The following MTUS2 variants were observed in gnomAD, a reference collection of about 807,000 sequenced individuals.
The protein encoded by MTUS2 is microtubule associated scaffold protein 2.
Under a neutral mutation model 114.1 loss-of-function variants are expected in MTUS2, and 40 were observed. That is an observed-to-expected ratio of 0.35 (90% CI 0.27 to 0.46). The LOEUF is 0.46. MTUS2 is among the 20% of genes least tolerant of loss of function. The probability of loss-of-function intolerance (pLI) is 1.00; values close to 1 mark genes in which losing one functional copy is unlikely to be tolerated. For missense variants in MTUS2, 1,679 were observed against 1,705.4 expected (o/e 0.98, Z 0.27); for synonymous variants, 688 against 672.0 (o/e 1.02, Z -0.37).
chr13:29,034,847 G>A (rs1886992420), intron 4 of MTUS2, among the ~76,000 whole-genome samples: 1 of 152,134 alleles, frequency 6.6e-6, no homozygotes, highest in African/African-American at 2.4e-5. Context: ...CCCCACCACT[G>A]CACCTTCATC....
At chr13:29,346,921 C>T (rs975100111) in intron 7 of MTUS2, among the ~76,000 whole-genome samples, 1 of 150,668 alleles carries the variant, frequency 6.6e-6, no homozygotes, top group African/African-American at 2.4e-5. Context: ...ATCCTTCTCC[C>T]GTGATCTGGT....
intron 2 of MTUS2, among the ~76,000 whole-genome samples, chr13:28,911,252 T>C (rs562698534): frequency 2.8e-4 from 41 of 144,820 alleles, no homozygotes; most frequent in Non-Finnish European, 5.5e-4. Flanking sequence ...CTTGGCTCAC[T>C]GCAACGTCCA....
intron 2 of MTUS2, among the ~76,000 whole-genome samples, chr13:28,968,103 A>G (rs1411913943): frequency 6.6e-6 from 1 of 152,242 alleles, no homozygotes; most frequent in Non-Finnish European, 1.5e-5. Context: ...CTTTTGCTGC[A>G]TGACTGTATA....
chr13:29,025,666 A>T lies in MTUS2; in HGVS notation c.968A>T (p.Glu323Val), dbSNP rs1353993731. Residue 323 changes from glutamate to valine, a missense_variant, in exon 3 of 16, where the codon GAG (glutamate) becomes GTG (valine). Coordinates refer to ENST00000612955, the MANE Select transcript of MTUS2 (RefSeq NM_001033602.4). ...GTTCCTCCCAGGAGAGTTGAACAGGAGGGAAAGGCAGCCCAGGAAGGGTAT... is the reference window on the plus strand; with the variant it reads ...GTTCCTCCCAGGAGAGTTGAACAGGTGGGAAAGGCAGCCCAGGAAGGGTAT... ...KYVPPRRVEQ[E>V]GKAAQEGYLG... The T allele has an allele frequency of 6.2e-7, 1 of 1,614,038 alleles. No homozygotes were observed. Among genetic ancestry groups the T allele is most frequent in the Non-Finnish European group, 8.5e-7 (1 of 1,179,900 alleles).
rs756242691 is a variant in MTUS2, at chr13:29,480,169, C to T, written c.3204C>T (p.Cys1068=). Residue 1068 remains cysteine, a synonymous_variant, in exon 10 of 16, where the codon TGC becomes TGT. Coordinates refer to ENST00000612955, the MANE Select transcript of MTUS2 (RefSeq NM_001033602.4). The surrounding 1 kb of genome is among the most constrained non-coding windows in gnomAD (Gnocchi z 4.4). ...RDEVAFHTAK[C]EKLQKEKEEL... ...GCCCAGCCTTCCATACAGCAAAGTG[C>T]GAGAAACTACAAAAGGAGAAGGAGG... 51 of 1,554,488 alleles carry T rather than the reference C, an allele frequency of 3.3e-5. No individual in the cohort carries two copies. In the Admixed American group the frequency reaches 3.7e-4, roughly 11 times the overall value.
intron 5 of MTUS2, among the ~76,000 whole-genome samples, chr13:29,145,647 T>TG (rs1303935483): frequency 1.3e-5 from 2 of 152,154 alleles, no homozygotes; most frequent in Non-Finnish European, 2.9e-5. Context: ...AATTGAAAAA[T>TG]TGGACTTAGA....
intron 2 of MTUS2, among the ~76,000 whole-genome samples, chr13:28,927,276 A>G (rs1436055385): frequency 4.6e-5 from 7 of 152,188 alleles, no homozygotes; most frequent in Admixed American, 4.6e-4. Context: ...AAGATACAAA[A>G]AATAGCTTGT....
At chr13:29,199,908 G>A (rs927456070) in intron 5 of MTUS2, among the ~76,000 whole-genome samples, 1 of 152,000 alleles carries the variant, frequency 6.6e-6, no homozygotes, top group Middle Eastern at 3.2e-3. Context: ...ACTTCTTCCT[G>A]GTTTAGTCTT....
At chr13:29,325,263 C>T (rs1900432057) in intron 7 of MTUS2, among the ~76,000 whole-genome samples, 1 of 152,056 alleles carries the variant, frequency 6.6e-6, no homozygotes, top group Non-Finnish European at 1.5e-5. Flanking sequence ...CCAGACCAGC[C>T]TAGCCAATAT....
Position 29,438,421 on chromosome 13 carries a change from G to T in MTUS2, c.3118-1562G>T, listed in dbSNP as rs540807692. ...ACAGAAATTTATTTCTCACAATTCT[G>T]CAGTCTGGGAAGCCCAAGATCTAGG... On this transcript the variant is annotated intron_variant, in intron 8 of 15. Coordinates refer to ENST00000612955, the MANE Select transcript of MTUS2 (RefSeq NM_001033602.4). 5.9e-5 allele frequency among the ~76,000 whole-genome samples: 9 copies of T among 152,282 alleles called. No homozygotes were observed. In the South Asian group the frequency reaches 1.9e-3, roughly 32 times the overall value.
intron 4 of MTUS2, among the ~76,000 whole-genome samples, chr13:29,039,718 A>G (rs545142864): frequency 3.9e-5 from 6 of 152,162 alleles, no homozygotes; most frequent in South Asian, 4.1e-4. Context: ...ACACTTGGAT[A>G]CTCTTTCAAG....
chr13:29,329,614 CT>C (rs34216714), intron 7 of MTUS2, among the ~76,000 whole-genome samples: 70,265 of 105,736 alleles, frequency 0.66, 23,128 homozygotes, highest in East Asian at 0.82. Context: ...GTGCATGTGT[CT>C]TTTTTTTTTT....
At chr13:29,286,672 G>GTCTATCTATCTATCTATCTATCTATCTA (rs1555261573) in intron 6 of MTUS2, among the ~76,000 whole-genome samples, 4,350 of 110,966 alleles carry the variant, frequency 0.039, 95 homozygotes, top group Non-Finnish European at 0.047. Flanking sequence ...CTGTCTGTCT[G>GTCTATCTATCTATCTATCTATCTATCTA]TCTATCTATC....
rs200297912 is a variant in MTUS2 at position 29,389,851 on chromosome 13, A to G, written c.3117+30378A>G. Among the ~76,000 whole-genome samples the G allele has an allele frequency of 1.7e-3, 22 of 12,672 alleles. 8 individuals carry two copies. Among genetic ancestry groups the G allele is most frequent in the Admixed American group, 4.1e-3 (4 of 978 alleles). 8.3% of individuals were successfully genotyped at this position (12,672 alleles called of 152,430 possible). ...TGTGTATATATACATACATATGTGT[A>G]TATATACATACATATGTGTATATAT... On this transcript the variant is annotated intron_variant, in intron 8 of 15. Transcript: ENST00000612955.
intron 8 of MTUS2, among the ~76,000 whole-genome samples, chr13:29,373,775 G>A (rs1353409273): frequency 2.6e-5 from 4 of 152,198 alleles, no homozygotes; most frequent in Non-Finnish European, 5.9e-5. Context: ...TTTAAGCAAG[G>A]CCCAGAGGAG....
chr13:28,877,802 G>A (rs1041789534), intron 2 of MTUS2, among the ~76,000 whole-genome samples: 1 of 152,132 alleles, frequency 6.6e-6, no homozygotes, highest in Non-Finnish European at 1.5e-5. Context: ...TGGTGCCATC[G>A]TTGGTTTACA....
intron 8 of MTUS2, among the ~76,000 whole-genome samples, chr13:29,418,027 T>TAAAA (rs1353394735): frequency 1.5e-3 from 234 of 152,288 alleles, no homozygotes; most frequent in Non-Finnish European, 1.8e-3. Context: ...GGTACTCTTT[T>TAAAA]GTCTTGCCTA....
intron 5 of MTUS2, among the ~76,000 whole-genome samples, chr13:29,151,433 C>A (rs2139040626): frequency 6.6e-6 from 1 of 152,212 alleles, no homozygotes. Context: ...TTGTAGGAGC[C>A]TTCTGGAGTA....
intron 5 of MTUS2, among the ~76,000 whole-genome samples, chr13:29,106,200 C>G (rs1890661003): frequency 6.6e-6 from 1 of 152,194 alleles, no homozygotes; most frequent in African/African-American, 2.4e-5. Context: ...TCAAGTATCT[C>G]TAACCCGATG....
Sources: gnomAD v4.1 joint callset for allele counts (sites outside exome capture counted in the v4.1 genomes callset) on GRCh38, gnomAD v4.1.1 for gene constraint, Gnocchi (gnomAD v3.1) non-coding constraint, MANE v1.5 for transcripts, NCBI Gene and HGNC (gene_info 2026-07-23, HGNC 2026-07-21) for gene names.